CSMD1: variants seen among roughly 807,000 people sequenced by gnomAD.
CSMD1 encodes the protein CUB and sushi domain-containing protein 1.
In CSMD1, 213 loss-of-function variants were observed where a neutral mutation model predicts 417.5. The ratio of observed to expected loss-of-function variants is 0.51; its 90% CI spans 0.46 to 0.57. The LOEUF (loss-of-function observed/expected upper bound fraction) is 0.57, where lower values mean the gene tolerates loss of function less well. Ranked by LOEUF, CSMD1 falls within the 20% of genes least tolerant of loss-of-function variation. CSMD1 has a pLI of 0.00. For synonymous variants in CSMD1, 2,862 were observed against 1,736.8 expected (o/e 1.65, Z -16.11); for missense variants, 6,923 against 4,529.7 (o/e 1.53, Z -15.17).
intron 23 of CSMD1, among the ~76,000 whole-genome samples, chr8:3,326,712 G>C (rs983770967): frequency 6.6e-6 from 1 of 152,142 alleles, no homozygotes; most frequent in Non-Finnish European, 1.5e-5. Flanking sequence ...CAGGCAGCCT[G>C]TCTCCCTATT....
At chr8:3,503,563 G>A (rs1165105102) in intron 10 of CSMD1, among the ~76,000 whole-genome samples, 4 of 152,180 alleles carry the variant, frequency 2.6e-5, no homozygotes, top group Admixed American at 2.6e-4. Context: ...AAGTATTACT[G>A]ACATCCCCGC....
chr8:4,260,381 C>T (rs1309019100), intron 3 of CSMD1, among the ~76,000 whole-genome samples: 2 of 152,032 alleles, frequency 1.3e-5, no homozygotes, highest in Non-Finnish European at 2.9e-5. Context: ...TATTTGTATA[C>T]TTCGGGTTTT....
At chr8:3,844,052 T>C (rs542447682) in intron 5 of CSMD1, among the ~76,000 whole-genome samples, 2 of 152,312 alleles carry the variant, frequency 1.3e-5, no homozygotes, top group South Asian at 4.1e-4. Context: ...GTTAATATAA[T>C]TAAATTTCCA....
chr8:3,390,036 G>C (rs1230475329), intron 17 of CSMD1, among the ~76,000 whole-genome samples: 1 of 152,004 alleles, frequency 6.6e-6, no homozygotes, highest in African/African-American at 2.4e-5. Context: ...AAAGAATCCT[G>C]AAACAAGAAA....
intron 1 of CSMD1, among the ~76,000 whole-genome samples, chr8:4,929,609 T>C (rs1217908334): frequency 6.6e-6 from 1 of 152,200 alleles, no homozygotes; most frequent in Non-Finnish European, 1.5e-5. Flanking sequence ...CTACAAATGA[T>C]TTCATCATTT....
chr8:4,559,241 A>C (rs1798223919), intron 2 of CSMD1, among the ~76,000 whole-genome samples: 1 of 152,208 alleles, frequency 6.6e-6, no homozygotes, highest in Non-Finnish European at 1.5e-5. Context: ...AATGTTGGAT[A>C]AACTTAAAAT....
rs1297683228 is a variant in CSMD1 at position 4,428,196 on chromosome 8, C to G, written c.303-8131G>C. ...CTTAAAAGGAAAACAAACCCATGTT[C>G]ACTTGTACTGTGTCCACTGAACCAC... On this transcript the variant is annotated intron_variant, in intron 2 of 69. Coordinates refer to ENST00000635120, the MANE Select transcript of CSMD1 (RefSeq NM_033225.6). Among the ~76,000 whole-genome samples, 8 of 152,180 alleles carry G rather than the reference C, an allele frequency of 5.3e-5. No homozygotes were observed. In the East Asian group the frequency reaches 1.3e-3, roughly 26 times the overall value.
intron 4 of CSMD1, among the ~76,000 whole-genome samples, chr8:4,011,331 C>A (rs1166206371): frequency 2.0e-5 from 3 of 152,126 alleles, no homozygotes; most frequent in Non-Finnish European, 2.9e-5. Flanking sequence ...GCTCCAATTG[C>A]CCCCATTCAA....
intron 1 of CSMD1, among the ~76,000 whole-genome samples, chr8:4,885,163 A>G (rs1803656057): frequency 6.6e-6 from 1 of 152,044 alleles, no homozygotes; most frequent in African/African-American, 2.4e-5. Context: ...ATTACAATTG[A>G]TTTGTCTACT....
At chr8:3,858,776 G>T (rs578136255) in intron 5 of CSMD1, among the ~76,000 whole-genome samples, 4 of 151,922 alleles carry the variant, frequency 2.6e-5, no homozygotes, top group Admixed American at 2.0e-4. Context: ...ACTTATTTAG[G>T]ATTTAAAAGC....
intron 5 of CSMD1, among the ~76,000 whole-genome samples, chr8:3,908,192 T>C (rs1172423214): frequency 6.6e-6 from 1 of 152,192 alleles, no homozygotes; most frequent in African/African-American, 2.4e-5. Context: ...CCAGGCTAGA[T>C]ACTAAGCACA....
At chr8:3,123,224 C>T (rs549920432) in intron 41 of CSMD1, among the ~76,000 whole-genome samples, 60 of 152,300 alleles carry the variant, frequency 3.9e-4, no homozygotes, top group Admixed American at 3.0e-3. Flanking sequence ...ATTCCCCCAT[C>T]GTGTGGCTCC....
chr8:4,147,609 T>A (rs1020278180), intron 3 of CSMD1, among the ~76,000 whole-genome samples: 1 of 152,196 alleles, frequency 6.6e-6, no homozygotes, highest in Non-Finnish European at 1.5e-5. Context: ...GGTTCCCTAA[T>A]GCAGCTGGAC....
At chr8:3,520,832 A>C (rs1201895734) in intron 10 of CSMD1, among the ~76,000 whole-genome samples, 1 of 152,016 alleles carries the variant, frequency 6.6e-6, no homozygotes, top group African/African-American at 2.4e-5. Flanking sequence ...TCAACACCTC[A>C]AATACAACCT....
At chr8:4,647,747 T>C (rs182315961) in intron 1 of CSMD1, among the ~76,000 whole-genome samples, 1 of 152,192 alleles carries the variant, frequency 6.6e-6, no homozygotes, top group South Asian at 2.1e-4. Flanking sequence ...CATGATCTCA[T>C]TCCTTTCTTA....
At chr8:3,006,422 C>A (rs1585134984) in intron 52 of CSMD1, among the ~76,000 whole-genome samples, 1 of 151,466 alleles carries the variant, frequency 6.6e-6, no homozygotes, top group Non-Finnish European at 1.5e-5. Context: ...GAAAAAACTA[C>A]TTTAAAGTTC....
intron 1 of CSMD1, among the ~76,000 whole-genome samples, chr8:4,708,232 G>A (rs1054559850): frequency 1.3e-5 from 2 of 152,264 alleles, no homozygotes; most frequent in African/African-American, 2.4e-5. Flanking sequence ...TTACAGGCAT[G>A]AGCCACTGCA....
chr8:4,614,295 C>T (rs1038359113), intron 2 of CSMD1, among the ~76,000 whole-genome samples: 1 of 152,166 alleles, frequency 6.6e-6, no homozygotes, highest in Admixed American at 6.5e-5. Flanking sequence ...GGACTGGACA[C>T]AAAGGCCAAA....
At chr8:4,082,296 G>T (rs565141858) in intron 3 of CSMD1, among the ~76,000 whole-genome samples, 1 of 152,084 alleles carries the variant, frequency 6.6e-6, no homozygotes, top group Non-Finnish European at 1.5e-5. Context: ...CTGAGCAGAC[G>T]TATAAGAAAA....
Sources: gnomAD v4.1 joint callset for allele counts (sites outside exome capture counted in the v4.1 genomes callset) on GRCh38, gnomAD v4.1.1 for gene constraint, MANE v1.5 for transcripts, NCBI Gene and HGNC (gene_info 2026-07-23, HGNC 2026-07-21) for gene names.